The following MAPK10 variants were observed in gnomAD, a reference collection of about 807,000 sequenced individuals.
MAPK10 encodes the protein mitogen-activated protein kinase 10.
In MAPK10, 25 loss-of-function variants were observed where a neutral mutation model predicts 59.3. That is an observed-to-expected ratio of 0.42 (90% CI 0.31 to 0.59). The LOEUF is 0.59. Among genes scored for constraint, MAPK10 ranks in the 20% least tolerant of loss-of-function variants. The pLI, the probability that MAPK10 is intolerant of heterozygous loss-of-function variation, is 0.15. For missense variants in MAPK10, 351 were observed against 568.9 expected (o/e 0.62, Z 3.90); for synonymous variants, 190 against 200.5 (o/e 0.95, Z 0.44).
intron 2 of MAPK10, among the ~76,000 whole-genome samples, chr4:86,287,172 T>G (rs1314089058): frequency 6.6e-6 from 1 of 152,192 alleles, no homozygotes; most frequent in East Asian, 1.9e-4. Context: ...AAAATCCATT[T>G]TCTACGATCA....
intron 2 of MAPK10, among the ~76,000 whole-genome samples, chr4:86,333,679 T>TAGG (rs2096207783): frequency 1.3e-5 from 2 of 152,110 alleles, no homozygotes; most frequent in East Asian, 1.9e-4. Context: ...TCTCTGAAGC[T>TAGG]AGGATGCCTG....
At chr4:86,127,793 C>A (rs1406002272) in intron 4 of MAPK10, 1 of 151,960 alleles carries the variant, frequency 6.6e-6, no homozygotes, top group Non-Finnish European at 1.5e-5. Flanking sequence ...TTTCTTCCAC[C>A]AGTAAATGTT....
chr4:86,589,213 CTG>C, intron 1 of MAPK10, among the ~76,000 whole-genome samples: 1 of 152,066 alleles, frequency 6.6e-6, no homozygotes, highest in African/African-American at 2.4e-5. Context: ...AAAATTATAA[CTG>C]TAATGAGATA....
At chr4:86,348,670 A>AT (rs1232692318) in intron 2 of MAPK10, among the ~76,000 whole-genome samples, 1 of 152,116 alleles carries the variant, frequency 6.6e-6, no homozygotes, top group East Asian at 1.9e-4. Context: ...AGTTCTTATA[A>AT]TAAAAAAAAA....
At chr4:86,371,796 A>G (rs543464962) in intron 1 of MAPK10, among the ~76,000 whole-genome samples, 1 of 152,316 alleles carries the variant, frequency 6.6e-6, no homozygotes, top group South Asian at 2.1e-4. Context: ...ACTCTTTCCC[A>G]TAGCCAAGAG....
intron 1 of MAPK10, among the ~76,000 whole-genome samples, chr4:86,500,282 C>T (rs1045780252): frequency 2.6e-5 from 4 of 152,162 alleles, no homozygotes; most frequent in African/African-American, 9.7e-5. Flanking sequence ...AGCAGATCAG[C>T]TTATTTGAAA....
chr4:86,299,435 G>C (rs769190721), intron 2 of MAPK10, among the ~76,000 whole-genome samples: 2 of 152,156 alleles, frequency 1.3e-5, no homozygotes, highest in African/African-American at 4.8e-5. Context: ...TTATAACAGA[G>C]TCTGGAGAGA....
At chr4:86,284,389 A>T (rs768753021) in intron 2 of MAPK10, among the ~76,000 whole-genome samples, 1 of 152,100 alleles carries the variant, frequency 6.6e-6, no homozygotes, top group Non-Finnish European at 1.5e-5. Context: ...GGGAAAATTG[A>T]TTCACTTCAG....
intron 1 of MAPK10, among the ~76,000 whole-genome samples, chr4:86,530,141 G>T (rs963404937): frequency 6.7e-6 from 1 of 148,820 alleles, no homozygotes; most frequent in Non-Finnish European, 1.5e-5. Context: ...CTTCAGGGCT[G>T]TGTCCAGGCA....
chr4:86,508,901 G>T (rs2149082689), intron 1 of MAPK10, among the ~76,000 whole-genome samples: 1 of 152,268 alleles, frequency 6.6e-6, no homozygotes, highest in African/African-American at 2.4e-5. Context: ...CTGGCTACAT[G>T]GCTTTTCCTC....
rs1437258319 is a variant in MAPK10 at position 86,136,872 on chromosome 4, AG to A, written c.236+22425del. On this transcript the variant is annotated intron_variant, in intron 4 of 13. Coordinates refer to ENST00000641462, the MANE Select transcript of MAPK10 (RefSeq NM_138982.4). Reference sequence around the variant, plus strand: ...AAGCCAATGGAAAACAAAAAAAGGCAGGGGTTGTAATCCTAGTCTCTGATAA... The same window carrying A: ...AAGCCAATGGAAAACAAAAAAAGGCAGGGTTGTAATCCTAGTCTCTGATAA... Among the ~76,000 whole-genome samples, 4 of 152,286 alleles carry A rather than the reference AG, an allele frequency of 2.6e-5. No individual in the cohort carries two copies. In the East Asian group the frequency reaches 7.7e-4, roughly 29 times the overall value.
At chr4:86,472,626 AGAGT>A (rs1752749624) in intron 1 of MAPK10, among the ~76,000 whole-genome samples, 1 of 152,186 alleles carries the variant, frequency 6.6e-6, no homozygotes, top group African/African-American at 2.4e-5. Flanking sequence ...CCTGTGCAAC[AGAGT>A]GAGAAGCAAG....
At chr4:86,410,145 TC>T (rs1393494141) in intron 1 of MAPK10, among the ~76,000 whole-genome samples, 2 of 152,248 alleles carry the variant, frequency 1.3e-5, no homozygotes, top group Non-Finnish European at 2.9e-5. Context: ...CTTTTCTGCA[TC>T]TATTGAGATA....
At chr4:86,208,143 C>T (rs1428243181) in intron 2 of MAPK10, among the ~76,000 whole-genome samples, 5 of 151,930 alleles carry the variant, frequency 3.3e-5, no homozygotes, top group African/African-American at 9.7e-5. Context: ...TATTCACAGC[C>T]GAATTCTATC....
chr4:86,178,543 C>T (rs2076193540), intron 3 of MAPK10, among the ~76,000 whole-genome samples: 1 of 152,012 alleles, frequency 6.6e-6, no homozygotes, highest in Non-Finnish European at 1.5e-5. Flanking sequence ...AGATGTCTTG[C>T]AACAAAGGCC....
chr4:86,512,957 C>A (rs140932822), intron 1 of MAPK10, among the ~76,000 whole-genome samples: 1 of 152,222 alleles, frequency 6.6e-6, no homozygotes, highest in African/African-American at 2.4e-5. Flanking sequence ...TCTTACCTCT[C>A]TTAATGCCCA....
At chr4:86,447,086 G>A (rs905676485) in intron 1 of MAPK10, among the ~76,000 whole-genome samples, 3 of 152,020 alleles carry the variant, frequency 2.0e-5, no homozygotes, top group Admixed American at 6.6e-5. Flanking sequence ...ATACTGATAC[G>A]GTTTGACTTT....
At chr4:86,585,287 A>C (rs1365203872) in intron 1 of MAPK10, among the ~76,000 whole-genome samples, 1 of 152,220 alleles carries the variant, frequency 6.6e-6, no homozygotes, top group Non-Finnish European at 1.5e-5. Context: ...ATGCTATGGA[A>C]AGACAAATCA....
intron 2 of MAPK10, among the ~76,000 whole-genome samples, chr4:86,252,589 T>C (rs1204568035): frequency 1.5e-5 from 2 of 137,120 alleles, no homozygotes; most frequent in African/African-American, 2.9e-5. Context: ...TGTAGTATAG[T>C]TTGAAGTCAG....
Sources: gnomAD v4.1 joint callset for allele counts (sites outside exome capture counted in the v4.1 genomes callset) on GRCh38, gnomAD v4.1.1 for gene constraint, MANE v1.5 for transcripts, NCBI Gene and HGNC (gene_info 2026-07-23, HGNC 2026-07-21) for gene names.